The following ADGRV1 variants were observed in gnomAD, a reference collection of about 807,000 sequenced individuals.
The protein encoded by ADGRV1 is G-protein coupled receptor 98.
ADGRV1 carries 359 observed loss-of-function variants against 596.2 expected under a neutral mutation model. The ratio of observed to expected loss-of-function variants is 0.60; its 90% confidence interval spans 0.55 to 0.66. The LOEUF (loss-of-function observed/expected upper bound fraction) is 0.66, where lower values mean the gene tolerates loss of function less well. ADGRV1 is among the 30% of genes least tolerant of loss of function. The pLI is 0.00. For synonymous variants in ADGRV1, 2,681 were observed against 2,679.2 expected, an observed-to-expected ratio of 1.00 and a Z score of -0.02; for missense variants, 7,274 against 7,575.6, an observed-to-expected ratio of 0.96 and a Z score of 1.48.
intron 83 of ADGRV1, among the ~76,000 whole-genome samples, chr5:90,865,888 A>C (rs1421478900): frequency 6.6e-6 from 1 of 152,126 alleles, no homozygotes; most frequent in East Asian, 1.9e-4. Context: ...AATCTTGCCA[A>C]CAGGAGTTAT....
At chr5:90,804,251 A>G (rs1381626367) in intron 71 of ADGRV1, among the ~76,000 whole-genome samples, 1 of 152,096 alleles carries the variant, frequency 6.6e-6, no homozygotes, top group African/African-American at 2.4e-5. Context: ...AAAAATAGAA[A>G]ATTAGCTGCA....
Position 90,627,678 on chromosome 5 carries a change from A to G in ADGRV1, c.1140A>G (p.Gln380=), listed in dbSNP as rs373902384. The G allele has an allele frequency of 3.2e-5, 52 of 1,613,698 alleles. No homozygotes were observed. The East Asian group carries it at 5.3e-4, about 17-fold the overall frequency. Residue 380 remains glutamine, a synonymous_variant, in exon 7 of 90, where the codon CAA becomes CAG. Coordinates refer to ENST00000405460, the MANE Select transcript of ADGRV1 (RefSeq NM_032119.4). ...TGCTAATAAGCCCTTCTGTTGTACA[A>G]GTCACCATTAAGCCAAATGATAAAC... ...DAVLISPSVV[Q]VTIKPNDKPY...
At chr5:90,875,534 G>A (rs1769140480) in intron 83 of ADGRV1, among the ~76,000 whole-genome samples, 1 of 152,160 alleles carries the variant, frequency 6.6e-6, no homozygotes, top group Non-Finnish European at 1.5e-5. Context: ...TCCTTCAAAA[G>A]TCCATAGAAG....
chr5:91,017,885 C>A (rs1440837214), intron 85 of ADGRV1, among the ~76,000 whole-genome samples: 4 of 151,598 alleles, frequency 2.6e-5, no homozygotes, highest in African/African-American at 9.7e-5. Flanking sequence ...AGCTATGGAC[C>A]TAGAAGAAAA....
At chr5:90,955,407 G>A (rs1321597242) in intron 83 of ADGRV1, among the ~76,000 whole-genome samples, 1 of 152,158 alleles carries the variant, frequency 6.6e-6, no homozygotes, top group African/African-American at 2.4e-5. Flanking sequence ...CCCCAAAGCA[G>A]AGAGTCCTTT....
chr5:90,894,269 T>C (rs899431501), intron 83 of ADGRV1, among the ~76,000 whole-genome samples: 1 of 152,194 alleles, frequency 6.6e-6, no homozygotes, highest in Non-Finnish European at 1.5e-5. Context: ...CTCAAACCTT[T>C]TTCCAGCTCC....
At chr5:90,633,259 A>T (rs961072247) in intron 9 of ADGRV1, among the ~76,000 whole-genome samples, 1 of 152,220 alleles carries the variant, frequency 6.6e-6, no homozygotes, top group Non-Finnish European at 1.5e-5. Context: ...CTTTTCCATC[A>T]GTTCATTTCA....
At chr5:90,601,951 G>A (rs1189307970) in intron 1 of ADGRV1, among the ~76,000 whole-genome samples, 1 of 152,164 alleles carries the variant, frequency 6.6e-6, no homozygotes, top group Admixed American at 6.5e-5. Flanking sequence ...CATCACTACA[G>A]CCTGGAACAT....
At chr5:90,658,702 G>A (rs1232228064) in intron 21 of ADGRV1, among the ~76,000 whole-genome samples, 1 of 145,424 alleles carries the variant, frequency 6.9e-6, no homozygotes, top group East Asian at 2.0e-4. Flanking sequence ...CATGTGAAAC[G>A]TACTTGAGTA....
At chr5:90,599,965 A>G (rs924381198) in intron 1 of ADGRV1, among the ~76,000 whole-genome samples, 2 of 152,186 alleles carry the variant, frequency 1.3e-5, no homozygotes, top group African/African-American at 2.4e-5. Flanking sequence ...GGCCCTGTGG[A>G]AAATTGTTAA....
At chr5:90,740,168 G>A (rs1753783689) in intron 50 of ADGRV1, among the ~76,000 whole-genome samples, 1 of 152,144 alleles carries the variant, frequency 6.6e-6, no homozygotes, top group African/African-American at 2.4e-5. Flanking sequence ...TGGATAATCC[G>A]TGGGTCTGGG....
At position 90,745,464 on chromosome 5, in the gene ADGRV1, A is replaced by C. The variant is rs1306541016; in HGVS notation, c.10770-127A>C. ...GTATTACATGAATATTTTGGATTAAAATTTTCGTTATGAAATGTTGTGATT... is the reference window on the plus strand; with the variant it reads ...GTATTACATGAATATTTTGGATTAACATTTTCGTTATGAAATGTTGTGATT... On this transcript the variant is annotated intron_variant, in intron 51 of 89. Transcript: ENST00000405460. 1.2e-5 allele frequency: 9 copies of C among 774,454 alleles called. No individual in the cohort carries two copies. In the African/African-American group the frequency reaches 1.6e-4, roughly 14 times the overall value. 48.0% of individuals were successfully genotyped at this position (774,454 alleles called of 1,614,324 possible). A position where few individuals can be genotyped will look rare whatever the true frequency, so the allele number is the denominator to read the frequency against.
intron 83 of ADGRV1, among the ~76,000 whole-genome samples, chr5:90,877,091 G>C (rs1320325907): frequency 6.6e-6 from 1 of 152,150 alleles, no homozygotes; most frequent in African/African-American, 2.4e-5. Flanking sequence ...GTGGAGTCAG[G>C]AAAATCTTAT....
chr5:90,837,448 G>A (rs952733749), intron 77 of ADGRV1, among the ~76,000 whole-genome samples: 1 of 147,574 alleles, frequency 6.8e-6, no homozygotes, highest in African/African-American at 2.5e-5. Flanking sequence ...TTGGCTCACT[G>A]CAACCTCTGC....
In ADGRV1 at chr5:90,665,583, T is replaced by A. The variant is rs559552726; in HGVS notation, c.4753-6963T>A. Among the ~76,000 whole-genome samples, 83 of 151,338 alleles carry A rather than the reference T, an allele frequency of 5.5e-4. 1 individual carries two copies. In the East Asian group the frequency reaches 0.015, roughly 27 times the overall value. Reference sequence around the variant, plus strand: ...AAACCAGCTCCTGGATTCATTAATTTTTTGAAGGGTTTTTTGTGTCTCTAT... The same window carrying A: ...AAACCAGCTCCTGGATTCATTAATTATTTGAAGGGTTTTTTGTGTCTCTAT... On this transcript the variant is annotated intron_variant, in intron 21 of 89. Coordinates refer to ENST00000405460, the MANE Select transcript of ADGRV1 (RefSeq NM_032119.4).
intron 83 of ADGRV1, among the ~76,000 whole-genome samples, chr5:90,945,049 T>C (rs1581593965): frequency 6.6e-6 from 1 of 152,326 alleles, no homozygotes; most frequent in Non-Finnish European, 1.5e-5. Context: ...AAAGCTTGTC[T>C]GTAAACATAT....
intron 87 of ADGRV1, among the ~76,000 whole-genome samples, chr5:91,144,935 T>G (rs1795406567): frequency 6.6e-6 from 1 of 152,244 alleles, no homozygotes; most frequent in Admixed American, 6.5e-5. Context: ...TTTCACAGAC[T>G]GGCATACAAA....
intron 59 of ADGRV1, among the ~76,000 whole-genome samples, chr5:90,768,938 C>T (rs985803434): frequency 1.2e-4 from 19 of 152,166 alleles, no homozygotes; most frequent in African/African-American, 4.3e-4. Context: ...GAAACTGATG[C>T]TACAGTATAC....
chr5:90,809,293 T>TACACACACACGCACACACACACACAC (rs1554124351), intron 73 of ADGRV1, among the ~76,000 whole-genome samples: 5 of 134,538 alleles, frequency 3.7e-5, no homozygotes, highest in African/African-American at 1.4e-4. Flanking sequence ...CGGGCATAAA[T>TACACACACACGCACACACACACACAC]ACACACACAC....
Sources: allele counts gnomAD v4.1 joint callset (sites outside exome capture counted in the v4.1 genomes callset), GRCh38; gene constraint gnomAD v4.1.1; transcripts MANE v1.5; gene names NCBI Gene and HGNC (gene_info 2026-07-23, HGNC 2026-07-21).